PSEN1: variants seen among roughly 807,000 people sequenced by gnomAD.
PSEN1 encodes the protein presenilin 1, also known as presenilin-1.
A neutral mutation model predicts 53.5 loss-of-function variants in PSEN1; 15 were observed. The observed-to-expected ratio is 0.28, with a 90% confidence interval of 0.19 to 0.43. The LOEUF (loss-of-function observed/expected upper bound fraction) is 0.43. PSEN1 is among the 20% of genes least tolerant of loss of function. The pLI is 1.00. For missense variants in PSEN1, 387 were observed against 571.2 expected (o/e 0.68, Z 3.29); for synonymous variants, 208 against 209.8 (o/e 0.99, Z 0.08).
chr14:73,197,712 CATT>C (rs1899011730), intron 7 of PSEN1: 15 of 348,866 alleles, frequency 4.3e-5, no homozygotes, highest in South Asian at 1.6e-4. Context: ...TCTATCTCAT[CATT>C]ATCTCTGCAG....
At chr14:73,167,420 T>A (rs943061458) in intron 3 of PSEN1, among the ~76,000 whole-genome samples, 1 of 152,200 alleles carries the variant, frequency 6.6e-6, no homozygotes, top group Non-Finnish European at 1.5e-5. Flanking sequence ...AATGGAAATA[T>A]TCCAAAATGC....
chr14:73,204,020 CAG>C (rs1899340262), intron 8 of PSEN1, among the ~76,000 whole-genome samples: 1 of 152,090 alleles, frequency 6.6e-6, no homozygotes. Flanking sequence ...TTTTTTGAGA[CAG>C]AGTTTCGCTC....
chr14:73,171,199 G>A (rs1897882102), intron 4 of PSEN1, 152 bp downstream of exon 4: 4 of 896,704 alleles, frequency 4.5e-6, no homozygotes, highest in Non-Finnish European at 7.1e-6. Flanking sequence ...GAGAGAGCGA[G>A]GGGTTATTAC....
At position 73,206,483 on chromosome 14, in the gene PSEN1, T is replaced by G. The variant is rs572734554; in HGVS notation, c.955+11T>G. 2.5e-5 allele frequency: 40 copies of G among 1,574,786 alleles called. 1 individual carries two copies. In the African/African-American group the frequency reaches 4.6e-4, roughly 18 times the overall value. On this transcript the variant is annotated intron_variant, in intron 9 of 11. Coordinates refer to ENST00000324501, the MANE Select transcript of PSEN1 (RefSeq NM_000021.4). ...AGTATAATGCAGAAAGTAGGTAACT[T>G]TTATTAGATAATATCTTGATTTTTC...
intron 7 of PSEN1, among the ~76,000 whole-genome samples, chr14:73,197,141 G>C (rs903998126): frequency 6.6e-6 from 1 of 152,002 alleles, no homozygotes; most frequent in Non-Finnish European, 1.5e-5. Context: ...CACCGTGTTA[G>C]CCAGGATGGT....
chr14:73,138,409 C>T (rs1341290406), intron 1 of PSEN1, among the ~76,000 whole-genome samples: 7 of 151,006 alleles, frequency 4.6e-5, no homozygotes, highest in Middle Eastern at 3.2e-3. Flanking sequence ...TTAGTAGACA[C>T]GGGGTTTCAC....
intron 1 of PSEN1, among the ~76,000 whole-genome samples, chr14:73,145,300 A>G (rs902421671): frequency 6.6e-6 from 1 of 152,012 alleles, no homozygotes; most frequent in Non-Finnish European, 1.5e-5. Flanking sequence ...TGAGAGTTCT[A>G]TGGGTTTTTC....
At position 73,205,215 on chromosome 14, in the gene PSEN1, G is replaced by T. The variant is rs150831684; in HGVS notation, c.869-1171G>T. 2.6e-5 allele frequency among the ~76,000 whole-genome samples: 4 copies of T among 152,118 alleles called. No individual in the cohort carries two copies. The South Asian group carries it at 8.3e-4, about 32-fold the overall frequency. On this transcript the variant is annotated intron_variant, in intron 8 of 11. Transcript: ENST00000324501. ...GACCAGGCCGGGCGTGGTGGCTCAC[G>T]CCTGTAATCCCAGCACTTTGGGAGG... is the stretch of plus-strand genomic sequence containing the variant.
intron 3 of PSEN1, among the ~76,000 whole-genome samples, chr14:73,161,168 T>C (rs1450815730): frequency 6.6e-6 from 1 of 151,816 alleles, no homozygotes; most frequent in Non-Finnish European, 1.5e-5. Flanking sequence ...AGAGACGGAG[T>C]TTCACCATGT....
intron 3 of PSEN1, among the ~76,000 whole-genome samples, chr14:73,148,408 C>G (rs1360091901): frequency 2.0e-5 from 3 of 152,188 alleles, no homozygotes; most frequent in South Asian, 2.1e-4. Context: ...TCTTATTCTT[C>G]TACGGCTGAG....
chr14:73,218,107 T>TC (rs1481453203), intron 11 of PSEN1, among the ~76,000 whole-genome samples: 3 of 146,190 alleles, frequency 2.1e-5, no homozygotes, highest in African/African-American at 7.7e-5. Flanking sequence ...TTTTTTTTTT[T>TC]TGGAGACAGA....
At position 73,197,840 on chromosome 14, in the gene PSEN1, TTTTG is replaced by T. The variant is rs1294426682; in HGVS notation, c.770-187_770-184del. ...TTTACAGATGTTCTGTGTCATTTTA[TTTTG>T]TTTATGTTGTCTCCCCCACCCCCAC... On this transcript the variant is annotated intron_variant, in intron 7 of 11. Coordinates refer to ENST00000324501, the MANE Select transcript of PSEN1 (RefSeq NM_000021.4). The T allele has an allele frequency of 2.6e-5, 15 of 587,054 alleles. No homozygotes were observed. In the Admixed American group the frequency reaches 2.7e-4, roughly 10 times the overall value. 36.4% of individuals were successfully genotyped at this position (587,054 alleles called of 1,614,324 possible).
intron 3 of PSEN1, among the ~76,000 whole-genome samples, chr14:73,165,088 C>A (rs1178006680): frequency 6.6e-6 from 1 of 152,070 alleles, no homozygotes; most frequent in Admixed American, 6.5e-5. Flanking sequence ...TCCCAAGTAG[C>A]TGAGATTACA....
chr14:73,187,817 A>G (rs892228954), intron 6 of PSEN1, among the ~76,000 whole-genome samples: 2 of 152,258 alleles, frequency 1.3e-5, no homozygotes, highest in African/African-American at 2.4e-5. Context: ...AAGCCAGCAT[A>G]ACATTAATAA....
At chr14:73,159,225 AG>A (rs1594979962) in intron 3 of PSEN1, among the ~76,000 whole-genome samples, 1 of 150,236 alleles carries the variant, frequency 6.7e-6, no homozygotes, top group Non-Finnish European at 1.5e-5. Flanking sequence ...CCTGTCACCC[AG>A]GCTGGAGTAT....
chr14:73,142,048 CAG>C (rs1896944447), intron 1 of PSEN1, among the ~76,000 whole-genome samples: 2 of 146,950 alleles, frequency 1.4e-5, no homozygotes, highest in Admixed American at 6.9e-5. Context: ...GCCTGGGCGA[CAG>C]AGGGAGACTC....
intron 3 of PSEN1, among the ~76,000 whole-genome samples, chr14:73,150,942 C>T (rs916035947): frequency 6.6e-6 from 1 of 151,430 alleles, no homozygotes; most frequent in African/African-American, 2.4e-5. Context: ...GTGACACGCG[C>T]CTGTAGTCCC....
chr14:73,207,419 G>A (rs1446942854), intron 9 of PSEN1, among the ~76,000 whole-genome samples: 2 of 152,152 alleles, frequency 1.3e-5, no homozygotes, highest in Non-Finnish European at 2.9e-5. Flanking sequence ...AACAGGCACA[G>A]TAAATATTGG....
At chr14:73,187,255 T>C (rs1390916355) in intron 6 of PSEN1, among the ~76,000 whole-genome samples, 1 of 152,212 alleles carries the variant, frequency 6.6e-6, no homozygotes, top group East Asian at 1.9e-4. Flanking sequence ...ATAATTGATT[T>C]TCATACTTCT....
Sources: gnomAD v4.1 joint callset for allele counts (sites outside exome capture counted in the v4.1 genomes callset) on GRCh38, gnomAD v4.1.1 for gene constraint, MANE v1.5 for transcripts, NCBI Gene and HGNC (gene_info 2026-07-23, HGNC 2026-07-21) for gene names.